ADAMTS16: variants seen among roughly 807,000 people sequenced by gnomAD.
ADAMTS16 encodes A disintegrin and metalloproteinase with thrombospondin motifs 16.
A neutral mutation model predicts 145.8 loss-of-function variants in ADAMTS16; 94 were observed. That is an observed-to-expected ratio of 0.64 (90% CI 0.55 to 0.77). ADAMTS16 has a LOEUF of 0.77. ADAMTS16 is among the 30% of genes least tolerant of loss of function. ADAMTS16 has a pLI of 0.00. For synonymous variants in ADAMTS16, 659 were observed against 604.3 expected (o/e 1.09, Z -1.33); for missense variants, 1,585 against 1,591.5 (o/e 1.00, Z 0.07).
At chr5:5,143,298 C>A (rs936798270) in intron 2 of ADAMTS16, among the ~76,000 whole-genome samples, 2 of 151,746 alleles carry the variant, frequency 1.3e-5, no homozygotes, top group Non-Finnish European at 1.5e-5. Flanking sequence ...AACAAACAAC[C>A]CCATCAAAAA....
chr5:5,304,978 CA>C (rs1739978050), intron 20 of ADAMTS16, among the ~76,000 whole-genome samples: 1 of 140,586 alleles, frequency 7.1e-6, no homozygotes, highest in Non-Finnish European at 1.5e-5. Context: ...CACACACACA[CA>C]CATCCTACAC....
chr5:5,235,281 C>T, intron 13 of ADAMTS16, 95 bp downstream of exon 13: 1 of 1,269,836 alleles, frequency 7.9e-7, no homozygotes, highest in Non-Finnish European at 1.0e-6. Flanking sequence ...CACAAATAAA[C>T]CAGACGTCGC....
At chr5:5,289,446 T>C (rs2126485889) in intron 18 of ADAMTS16, among the ~76,000 whole-genome samples, 1 of 152,374 alleles carries the variant, frequency 6.6e-6, no homozygotes, top group South Asian at 2.1e-4. Context: ...GTTATTGCTG[T>C]TGTTTCATTG....
intron 11 of ADAMTS16, 69 bp from the exon 12 acceptor site, chr5:5,232,299 C>A: frequency 6.3e-7 from 1 of 1,583,418 alleles, no homozygotes; most frequent in African/African-American, 1.3e-5. Context: ...AGCCTTATAG[C>A]AGTGATGAGA....
In ADAMTS16 at chr5:5,212,579, A is replaced by G. The variant is rs1393287777; in HGVS notation, c.1605+3333A>G. ...GGTAATATTACTTTGCTTGATTTCT[A>G]CTTATTTGATACTAATATAGCCACA... On this transcript the variant is annotated intron_variant, in intron 10 of 22. Coordinates refer to ENST00000274181, the MANE Select transcript of ADAMTS16 (RefSeq NM_139056.4). 2.6e-5 allele frequency among the ~76,000 whole-genome samples: 4 copies of G among 151,846 alleles called. No homozygotes were observed. The East Asian group carries it at 7.7e-4, about 29-fold the overall frequency.
chr5:5,211,966 G>A (rs4702245), intron 10 of ADAMTS16, among the ~76,000 whole-genome samples: 36,709 of 151,852 alleles, frequency 0.24, 5,733 homozygotes, highest in East Asian at 0.65. Context: ...CCTATGATCT[G>A]TCTTGGTGAA....
chr5:5,241,568 C>G (rs189570460), intron 16 of ADAMTS16, among the ~76,000 whole-genome samples: 21 of 152,280 alleles, frequency 1.4e-4, no homozygotes, highest in African/African-American at 4.6e-4. Context: ...CATGACGATG[C>G]TTTGTAGGTA....
At chr5:5,140,804 T>C in intron 2 of ADAMTS16, 38 bp downstream of exon 2, 1 of 1,507,086 alleles carries the variant, frequency 6.6e-7, no homozygotes, top group East Asian at 2.5e-5. Flanking sequence ...TCCTTGCCAT[T>C]TAGCAGCTCG....
intron 10 of ADAMTS16, among the ~76,000 whole-genome samples, chr5:5,211,017 G>A (rs1247884579): frequency 6.6e-6 from 1 of 152,072 alleles, no homozygotes; most frequent in African/African-American, 2.4e-5. Context: ...TTTTACATTT[G>A]TGTTCTTGAT....
intron 3 of ADAMTS16, among the ~76,000 whole-genome samples, chr5:5,176,677 C>T (rs1356111581): frequency 6.6e-6 from 1 of 152,164 alleles, no homozygotes; most frequent in African/African-American, 2.4e-5. Flanking sequence ...AGTAAATCCA[C>T]AGTCAATGAT....
intron 17 of ADAMTS16, among the ~76,000 whole-genome samples, chr5:5,261,289 C>A (rs551003875): frequency 6.6e-6 from 1 of 151,900 alleles, no homozygotes; most frequent in Non-Finnish European, 1.5e-5. Flanking sequence ...AGGTGCATGC[C>A]GCCATGCCTG....
intron 2 of ADAMTS16, among the ~76,000 whole-genome samples, chr5:5,143,764 T>C (rs1734225202): frequency 6.6e-6 from 1 of 151,960 alleles, no homozygotes; most frequent in East Asian, 1.9e-4. Context: ...ATAAAGAAAA[T>C]GTGGCACATA....
intron 18 of ADAMTS16, among the ~76,000 whole-genome samples, chr5:5,270,146 A>G (rs531620989): frequency 3.3e-4 from 51 of 152,264 alleles, no homozygotes; most frequent in African/African-American, 1.2e-3. Context: ...CTTAAGGAGA[A>G]CCAAGTGGAT....
At chr5:5,293,328 TG>T (rs1424570819) in intron 18 of ADAMTS16, among the ~76,000 whole-genome samples, 1 of 152,178 alleles carries the variant, frequency 6.6e-6, no homozygotes, top group Non-Finnish European at 1.5e-5. Flanking sequence ...GTCCTTTGTG[TG>T]AGAAGAAAAT....
intron 9 of ADAMTS16, among the ~76,000 whole-genome samples, chr5:5,204,491 C>T (rs898163119): frequency 4.6e-5 from 7 of 152,158 alleles, no homozygotes; most frequent in African/African-American, 1.2e-4. Flanking sequence ...CAAGGGCTTC[C>T]GCTCTTCCCC....
chr5:5,213,769 C>G (rs775532211), intron 10 of ADAMTS16, among the ~76,000 whole-genome samples: 2 of 152,140 alleles, frequency 1.3e-5, no homozygotes, highest in Admixed American at 6.6e-5. Flanking sequence ...ACTCTAGTTT[C>G]TCCCAGCCCT....
At chr5:5,200,399 A>T (rs1735924158) in intron 9 of ADAMTS16, 130 bp downstream of exon 9, 1 of 1,237,034 alleles carries the variant, frequency 8.1e-7, no homozygotes, top group East Asian at 2.4e-5. Flanking sequence ...GTGTCTTGAG[A>T]CATTCAGTTG....
intron 11 of ADAMTS16, among the ~76,000 whole-genome samples, chr5:5,228,685 T>C (rs981531095): frequency 6.6e-6 from 1 of 152,200 alleles, no homozygotes; most frequent in Non-Finnish European, 1.5e-5. Flanking sequence ...AACAGTGTAG[T>C]AGAGGTTCCT....
At chr5:5,262,486 T>A (rs188900290) in intron 17 of ADAMTS16, among the ~76,000 whole-genome samples, 171 bp from the exon 18 acceptor site, 2 of 152,378 alleles carry the variant, frequency 1.3e-5, no homozygotes, top group East Asian at 3.9e-4. Context: ...TTACAACTTA[T>A]GAAGACAGGT....
Sources: gnomAD v4.1 joint callset for allele counts (sites outside exome capture counted in the v4.1 genomes callset) on GRCh38, gnomAD v4.1.1 for gene constraint, MANE v1.5 for transcripts, NCBI Gene and HGNC (gene_info 2026-07-23, HGNC 2026-07-21) for gene names.